Variants in ZNF831 observed in about 807,000 individuals in gnomAD.
ZNF831 encodes zinc finger protein 831, also known as chromosome 20 open reading frame 174.
Under a neutral mutation model 95.8 loss-of-function variants are expected in ZNF831, and 59 were observed. The observed-to-expected ratio is 0.62, with a 90% confidence interval of 0.50 to 0.77. The LOEUF is 0.77. Among genes scored for constraint, ZNF831 ranks in the 30% least tolerant of loss-of-function variants. The pLI, the probability that ZNF831 is intolerant of heterozygous loss-of-function variation, is 0.00. For missense variants in ZNF831, 2,205 were observed against 2,164.0 expected (o/e 1.02, Z -0.38); for synonymous variants, 961 against 925.5 (o/e 1.04, Z -0.70).
intron 1 of ZNF831, among the ~76,000 whole-genome samples, chr20:59,182,853 C>T (rs1982726983): frequency 6.6e-6 from 1 of 152,204 alleles, no homozygotes; most frequent in Admixed American, 6.5e-5. Context: ...GCAGCCTCCC[C>T]TGCTTTTAGG....
chr20:59,199,128 TATC>T (rs1984351025), intron 3 of ZNF831, among the ~76,000 whole-genome samples: 3 of 103,716 alleles, frequency 2.9e-5, no homozygotes. Flanking sequence ...TCTATCTATC[TATC>T]TATCACGTAA....
intron 4 of ZNF831, among the ~76,000 whole-genome samples, chr20:59,209,315 T>C (rs1985127243): frequency 6.6e-6 from 1 of 152,156 alleles, no homozygotes; most frequent in African/African-American, 2.4e-5. Context: ...ATGTGGGTAA[T>C]GAGTGTTTTC....
chr20:59,247,685 T>C (rs1262777073), intron 4 of ZNF831, among the ~76,000 whole-genome samples: 1 of 152,260 alleles, frequency 6.6e-6, no homozygotes, highest in African/African-American at 2.4e-5. Flanking sequence ...TATTCTTGTT[T>C]ATATTTGCAG....
chr20:59,245,801 G>A (rs1987565849), intron 4 of ZNF831, among the ~76,000 whole-genome samples: 1 of 152,186 alleles, frequency 6.6e-6, no homozygotes, highest in Non-Finnish European at 1.5e-5. Context: ...TCACTGAAAT[G>A]TTTCAAATCA....
At position 59,244,151 on chromosome 20, in the gene ZNF831, T is replaced by C. The variant is rs576731887; in HGVS notation, c.4028-8827T>C. 2.0e-5 allele frequency among the ~76,000 whole-genome samples: 3 copies of C among 149,930 alleles called. No homozygotes were observed. In the East Asian group the frequency reaches 6.1e-4, roughly 30 times the overall value. On this transcript the variant is annotated intron_variant, in intron 4 of 5. Transcript: ENST00000371030. ...TTTCATCAAAGAAAGAGAAGACGAATGAGAACCATAGAGAAAAGTGGTTTC... is the reference window on the plus strand; with the variant it reads ...TTTCATCAAAGAAAGAGAAGACGAACGAGAACCATAGAGAAAAGTGGTTTC...
At chr20:59,219,634 G>A (rs1985948365) in intron 4 of ZNF831, among the ~76,000 whole-genome samples, 2 of 152,158 alleles carry the variant, frequency 1.3e-5, no homozygotes, top group Admixed American at 1.3e-4. Context: ...ACTGCAGAAA[G>A]GAATGTCAGC....
At chr20:59,185,540 A>C (rs1982948583) in intron 1 of ZNF831, among the ~76,000 whole-genome samples, 1 of 151,810 alleles carries the variant, frequency 6.6e-6, no homozygotes, top group Non-Finnish European at 1.5e-5. Flanking sequence ...CCCCACTGAG[A>C]CACCCCTCGG....
At chr20:59,153,872 C>T (rs1410467930) in intron 2 of ZNF831, among the ~76,000 whole-genome samples, 1 of 152,212 alleles carries the variant, frequency 6.6e-6, no homozygotes, top group Non-Finnish European at 1.5e-5. Flanking sequence ...TTCATCTACT[C>T]CTTCAAGGAG....
Position 59,186,562 on chromosome 20 carries a change from G to A in ZNF831, c.-36-4422G>A, listed in dbSNP as rs79650981. On this transcript the variant is annotated intron_variant, in intron 1 of 5. Transcript: ENST00000371030. ...CTTAGAGATGAGGAAACAGTCTCAG[G>A]GCCACCCTCTAGCAAGATGGTTAAG... Among the ~76,000 whole-genome samples, 977 of 152,280 alleles carry A rather than the reference G, an allele frequency of 6.4e-3. 12 individuals are homozygous for A. Among genetic ancestry groups the A allele is most frequent in the African/African-American group, 0.023 (935 of 41,548 alleles).
At position 59,152,173 on chromosome 20, in the gene ZNF831, T is replaced by G. The variant is rs764383087; in HGVS notation, c.-1281+5799T>G. Reference sequence around the variant, plus strand: ...TACCAGCTTAGGTGCTAGAAAGAGCTAGTAATGAGAAAAAAAGTACAGCGC... The same window carrying G: ...TACCAGCTTAGGTGCTAGAAAGAGCGAGTAATGAGAAAAAAAGTACAGCGC... On this transcript the variant is annotated intron_variant, in intron 2 of 7. Transcript: ENST00000637017. Among the ~76,000 whole-genome samples the G allele has an allele frequency of 1.1e-4, 16 of 152,136 alleles. 1 individual carries two copies. The highest frequency in any genetic ancestry group is 5.2e-4 in the Admixed American group (8 of 15,286).
Position 59,191,763 on chromosome 20 carries a change from G to T in ZNF831, c.744G>T (p.Pro248=), listed in dbSNP as rs1193364335. ...HEGASERPLS[P]GAHVPLLAKN... is the part of the protein sequence containing the mutation. ...GCGCCTCGGAGAGACCCCTTTCTCC[G>T]GGTGCCCACGTGCCCCTACTTGCCA... is the stretch of plus-strand genomic sequence containing the variant. Residue 248 remains proline (P), a synonymous_variant, in exon 2 of 6, where the codon CCG becomes CCT. Transcript: ENST00000371030. The T allele has an allele frequency of 6.2e-7, 1 of 1,609,320 alleles. No homozygotes were observed. Among genetic ancestry groups the T allele is most frequent in the Non-Finnish European group, 8.5e-7 (1 of 1,177,764 alleles).
chr20:59,202,360 T>C (rs1984598739), intron 3 of ZNF831, among the ~76,000 whole-genome samples: 1 of 149,340 alleles, frequency 6.7e-6, no homozygotes, highest in Admixed American at 6.7e-5. Flanking sequence ...ACACATCTAA[T>C]GTTTTGCATC....
intron 1 of ZNF831, among the ~76,000 whole-genome samples, chr20:59,182,207 G>T (rs1016870898): frequency 2.0e-5 from 3 of 152,160 alleles, no homozygotes; most frequent in African/African-American, 7.2e-5. Flanking sequence ...TCACATAAAG[G>T]TCAGCTCCCT....
intron 5 of ZNF831, 131 bp from the exon 6 acceptor site, chr20:59,253,767 G>A: frequency 9.3e-7 from 1 of 1,070,488 alleles, no homozygotes; most frequent in Non-Finnish European, 1.3e-6. Flanking sequence ...TCATATTGAA[G>A]TTCACCCTTG....
chr20:59,232,578 C>T (rs1454188084), intron 4 of ZNF831, among the ~76,000 whole-genome samples: 1 of 151,700 alleles, frequency 6.6e-6, no homozygotes, highest in East Asian at 1.9e-4. Flanking sequence ...AAGGAGAAAA[C>T]ATCTCTGTGC....
At chr20:59,226,142 T>C (rs6026767) in intron 4 of ZNF831, among the ~76,000 whole-genome samples, 5,490 of 152,210 alleles carry the variant, frequency 0.036, 336 homozygotes, top group African/African-American at 0.12. Context: ...CTCCAAGAGA[T>C]GAAAAGGAGT....
chr20:59,233,932 C>T (rs545063192), intron 4 of ZNF831, among the ~76,000 whole-genome samples: 70 of 152,312 alleles, frequency 4.6e-4, no homozygotes, highest in Non-Finnish European at 8.8e-4. Context: ...CCCACCTACT[C>T]GAAAGGAATA....
intron 1 of ZNF831, among the ~76,000 whole-genome samples, chr20:59,176,368 C>T (rs1346966359): frequency 6.6e-6 from 1 of 152,092 alleles, no homozygotes; most frequent in African/African-American, 2.4e-5. Flanking sequence ...ATGTGATGGC[C>T]TTCTTGATTA....
Position 59,192,635 on chromosome 20 carries a change from C to T in ZNF831, c.1616C>T (p.Pro539Leu), listed in dbSNP as rs2146568877. The change falls in exon 2 of 6, where the codon CCA becomes CTA. Residue 539 changes from proline (P) to leucine (L), a missense_variant. Coordinates refer to ENST00000371030, the MANE Select transcript of ZNF831 (RefSeq NM_178457.3). This position sits in a 1 kb window ranked among gnomAD's most constrained non-coding sequence, Gnocchi z 5.2. The part of the protein sequence containing the change: ...TQKPLSPRPG[P>L]ARLGCRSGLS... The stretch of plus-strand genomic sequence containing the variant: ...AAGCCTCTGAGCCCCAGGCCCGGCC[C>T]AGCCCGCCTGGGCTGCCGCTCGGGA... The T allele has an allele frequency of 1.3e-6, 2 of 1,500,534 alleles. No individual in the cohort carries two copies. The highest frequency in any genetic ancestry group is 1.8e-6 in the Non-Finnish European group (2 of 1,127,358). The allele number at this position is 1,500,534 out of a possible 1,614,324, so 93.0% of individuals were successfully genotyped here.
Sources: gnomAD v4.1 joint callset for allele counts (sites outside exome capture counted in the v4.1 genomes callset) on GRCh38, gnomAD v4.1.1 for gene constraint, Gnocchi (gnomAD v3.1) non-coding constraint, MANE v1.5 for transcripts, NCBI Gene and HGNC (gene_info 2026-07-23, HGNC 2026-07-21) for gene names.